Variants in KHDRBS3 observed in about 807,000 individuals in gnomAD.
KHDRBS3 encodes the protein KH RNA binding domain containing, signal transduction associated 3.
In KHDRBS3, 23 loss-of-function variants were observed where a neutral mutation model predicts 45.6. The observed-to-expected ratio is 0.50, with a 90% CI of 0.36 to 0.72. The LOEUF (loss-of-function observed/expected upper bound fraction) is 0.72, where lower values mean the gene tolerates loss of function less well. KHDRBS3 is among the 30% of genes least tolerant of loss of function. The pLI is 0.00. For missense variants in KHDRBS3, 352 were observed against 424.8 expected (o/e 0.83, Z 1.51); for synonymous variants, 162 against 156.5 (o/e 1.04, Z -0.26).
At chr8:135,637,547 T>A (rs1296089099) in intron 7 of KHDRBS3, among the ~76,000 whole-genome samples, 6 of 152,208 alleles carry the variant, frequency 3.9e-5, no homozygotes, top group Non-Finnish European at 8.8e-5. Context: ...TTGCATTAAA[T>A]TTAAATAGTA....
At chr8:135,516,789 G>A (rs1021263501) in intron 1 of KHDRBS3, among the ~76,000 whole-genome samples, 1 of 152,058 alleles carries the variant, frequency 6.6e-6, no homozygotes, top group African/African-American at 2.4e-5. Context: ...AATTTTGTGA[G>A]TAATATTCCA....
intron 1 of KHDRBS3, among the ~76,000 whole-genome samples, chr8:135,516,247 C>CT (rs1824594135): frequency 6.6e-6 from 1 of 152,180 alleles, no homozygotes; most frequent in African/African-American, 2.4e-5. Flanking sequence ...TGAGTGGAGC[C>CT]TGTGGAACTG....
chr8:135,537,854 C>T (rs937801831), intron 2 of KHDRBS3, among the ~76,000 whole-genome samples: 2 of 151,984 alleles, frequency 1.3e-5, no homozygotes, highest in Admixed American at 1.3e-4. Context: ...GTTATTTATA[C>T]AAATGAATAT....
chr8:135,535,971 C>G (rs1016202766), intron 2 of KHDRBS3, among the ~76,000 whole-genome samples: 18 of 152,168 alleles, frequency 1.2e-4, no homozygotes, highest in African/African-American at 4.3e-4. Context: ...CACTATCTCC[C>G]CAGGGGAAGT....
At chr8:135,511,456 C>T (rs1824278032) in intron 1 of KHDRBS3, among the ~76,000 whole-genome samples, 1 of 152,028 alleles carries the variant, frequency 6.6e-6, no homozygotes, top group African/African-American at 2.4e-5. Flanking sequence ...ATTTGACTGT[C>T]ATTTTCTCGT....
chr8:135,499,340 G>A (rs1177046743), intron 1 of KHDRBS3, among the ~76,000 whole-genome samples: 1 of 152,162 alleles, frequency 6.6e-6, no homozygotes, highest in South Asian at 2.1e-4. Context: ...GAAACAGAAT[G>A]TCAGAAATTA....
intron 7 of KHDRBS3, among the ~76,000 whole-genome samples, chr8:135,637,534 T>C (rs10087854): frequency 0.39 from 59,885 of 152,008 alleles, 12,862 homozygotes; most frequent in South Asian, 0.53. Flanking sequence ...TCAAGAAAAA[T>C]TTTTGCATTA....
intron 5 of KHDRBS3, among the ~76,000 whole-genome samples, chr8:135,559,370 T>C (rs1827056770): frequency 6.6e-6 from 1 of 152,298 alleles, no homozygotes; most frequent in African/African-American, 2.4e-5. Flanking sequence ...ATTTATTTTT[T>C]GAGATGGAGT....
At chr8:135,467,420 A>G (rs1821752711) in intron 1 of KHDRBS3, among the ~76,000 whole-genome samples, 2 of 152,344 alleles carry the variant, frequency 1.3e-5, no homozygotes, top group African/African-American at 2.4e-5. Context: ...TGATGGCACC[A>G]GTTGTTCTGG....
intron 8 of KHDRBS3, among the ~76,000 whole-genome samples, chr8:135,646,542 G>C (rs183390835): frequency 5.3e-5 from 8 of 151,964 alleles, no homozygotes; most frequent in African/African-American, 1.9e-4. Flanking sequence ...TTTGCTCTCC[G>C]GTTTTCTTCT....
At chr8:135,479,362 G>A (rs1283691949) in intron 1 of KHDRBS3, among the ~76,000 whole-genome samples, 1 of 152,190 alleles carries the variant, frequency 6.6e-6, no homozygotes, top group Non-Finnish European at 1.5e-5. Context: ...GTGAATCCTA[G>A]CAAACATGTA....
intron 3 of KHDRBS3, among the ~76,000 whole-genome samples, chr8:135,548,325 G>T (rs1173836412): frequency 6.6e-6 from 1 of 152,224 alleles, no homozygotes; most frequent in East Asian, 1.9e-4. Flanking sequence ...ATAGTGATAA[G>T]TGCCTTGTAC....
Position 135,513,287 on chromosome 8 carries a change from C to T in KHDRBS3, c.89-7950C>T, listed in dbSNP as rs113937139. 4.3e-3 allele frequency among the ~76,000 whole-genome samples: 653 copies of T among 152,258 alleles called. 12 individuals are homozygous for T. Among genetic ancestry groups the T allele is most frequent in the African/African-American group, 0.014 (592 of 41,556 alleles). ...AGTTAAATTAGATAAAATCTCACCCCTCAAGAACTTACTGTCTAGTATAGG... is the reference window on the plus strand; with the variant it reads ...AGTTAAATTAGATAAAATCTCACCCTTCAAGAACTTACTGTCTAGTATAGG... On this transcript the variant is annotated intron_variant, in intron 1 of 8. Coordinates refer to ENST00000355849, the MANE Select transcript of KHDRBS3 (RefSeq NM_006558.3).
At chr8:135,579,111 T>G (rs1828082943) in intron 5 of KHDRBS3, among the ~76,000 whole-genome samples, 1 of 152,178 alleles carries the variant, frequency 6.6e-6, no homozygotes, top group Admixed American at 6.5e-5. Context: ...TTTGGGGATT[T>G]TTTTACATTG....
chr8:135,546,076 G>T (rs139892480), intron 3 of KHDRBS3, among the ~76,000 whole-genome samples: 5 of 151,962 alleles, frequency 3.3e-5, no homozygotes, highest in African/African-American at 7.2e-5. Flanking sequence ...GGCAGAGGTT[G>T]CAGTGAGCTG....
chr8:135,489,668 G>T lies in KHDRBS3; in HGVS notation c.89-31569G>T, dbSNP rs142058711. On this transcript the variant is annotated intron_variant, in intron 1 of 8. Coordinates refer to ENST00000355849, the MANE Select transcript of KHDRBS3 (RefSeq NM_006558.3). ...ACTCTATCTGGCCTGGCGACAGAGC[G>T]AGACTCCATCTCAAAACAACAACAA... is the stretch of plus-strand genomic sequence containing the variant. Among the ~76,000 whole-genome samples the T allele has an allele frequency of 1.2e-3, 184 of 152,218 alleles. 2 individuals carry two copies. Among genetic ancestry groups the T allele is most frequent in the African/African-American group, 4.2e-3 (175 of 41,528 alleles).
At chr8:135,505,629 A>C (rs1586625900) in intron 1 of KHDRBS3, among the ~76,000 whole-genome samples, 1 of 152,048 alleles carries the variant, frequency 6.6e-6, no homozygotes, top group African/African-American at 2.4e-5. Context: ...GTGATACAGA[A>C]ATAGTAACAA....
chr8:135,640,725 G>C (rs1242399594), intron 7 of KHDRBS3, among the ~76,000 whole-genome samples: 1 of 152,184 alleles, frequency 6.6e-6, no homozygotes, highest in Non-Finnish European at 1.5e-5. Flanking sequence ...CTCTTGATCT[G>C]TTGAGAGAGG....
At chr8:135,551,080 T>C (rs1409605387) in intron 4 of KHDRBS3, among the ~76,000 whole-genome samples, 2 of 152,192 alleles carry the variant, frequency 1.3e-5, no homozygotes, top group Non-Finnish European at 2.9e-5. Flanking sequence ...TTGTATCTTG[T>C]GATCTTGCCA....
Sources: gnomAD v4.1 joint callset for allele counts (sites outside exome capture counted in the v4.1 genomes callset) on GRCh38, gnomAD v4.1.1 for gene constraint, MANE v1.5 for transcripts, NCBI Gene and HGNC (gene_info 2026-07-23, HGNC 2026-07-21) for gene names.